Variants in DCC observed in about 807,000 individuals in gnomAD.
DCC encodes netrin receptor DCC.
Under a neutral mutation model 172.5 loss-of-function variants are expected in DCC, and 58 were observed. The observed-to-expected ratio is 0.34, with a 90% CI of 0.27 to 0.42. The LOEUF is 0.42. Among genes scored for constraint, DCC ranks in the 10% least tolerant of loss-of-function variants. DCC has a pLI of 1.00. For synonymous variants in DCC, 709 were observed against 644.5 expected, an observed-to-expected ratio of 1.10 and a Z score of -1.52; for missense variants, 1,740 against 1,791.0, an observed-to-expected ratio of 0.97 and a Z score of 0.51.
chr18:53,419,261 A>G (rs892998534), intron 21 of DCC, among the ~76,000 whole-genome samples: 1 of 152,214 alleles, frequency 6.6e-6, no homozygotes, highest in African/African-American at 2.4e-5. Flanking sequence ...TGGGGTATCC[A>G]TCCCTTGAAG....
At chr18:52,621,562 G>A (rs771551864) in intron 1 of DCC, among the ~76,000 whole-genome samples, 4 of 152,212 alleles carry the variant, frequency 2.6e-5, no homozygotes, top group Non-Finnish European at 4.4e-5. Flanking sequence ...GCCACTGGCA[G>A]AGCAGATGAA....
At position 53,207,784 on chromosome 18, in the gene DCC, A is replaced by G. The variant is rs193223464; in HGVS notation, c.1828A>G (p.Thr610Ala). 1 of 1,613,348 alleles carries G rather than the reference A, an allele frequency of 6.2e-7. No homozygotes were observed. Among genetic ancestry groups the G allele is most frequent in the Non-Finnish European group, 8.5e-7 (1 of 1,179,346 alleles). ...AYNRYGPGVS[T>A]DDITVVTLSD... is the part of the protein sequence containing the mutation. ...TAATCGCTATGGTCCGGGCGTCTCTACTGATGATATAACAGTGGTTACACT... is the reference window on the plus strand; with the variant it reads ...TAATCGCTATGGTCCGGGCGTCTCTGCTGATGATATAACAGTGGTTACACT... The change falls in exon 11 of 29, where the codon ACT becomes GCT. Residue 610 changes from threonine to alanine, a missense_variant. By Grantham distance (58) the Thr-to-Ala change is moderately conservative. Around this residue, in one of 2 missense-constraint regions of DCC, gnomAD observed 1,732 missense variants for 1,767.4 expected, o/e 0.98. Transcript: ENST00000442544.
At chr18:52,603,496 A>C (rs529096044) in intron 1 of DCC, among the ~76,000 whole-genome samples, 58 of 152,096 alleles carry the variant, frequency 3.8e-4, no homozygotes, top group Non-Finnish European at 7.9e-4. Context: ...CATAAAACCT[A>C]TAAAGACTAA....
chr18:52,344,679 G>T (rs1209613524), intron 1 of DCC, among the ~76,000 whole-genome samples: 1 of 152,118 alleles, frequency 6.6e-6, no homozygotes, highest in Non-Finnish European at 1.5e-5. Context: ...TTTCTGAACA[G>T]AATATTTCTT....
At chr18:53,463,905 T>C (rs2045588335) in intron 24 of DCC, among the ~76,000 whole-genome samples, 1 of 152,240 alleles carries the variant, frequency 6.6e-6, no homozygotes, top group Non-Finnish European at 1.5e-5. Context: ...AAGCAATTGC[T>C]GCATAAACAA....
chr18:52,489,555 G>T (rs1429491904), intron 1 of DCC, among the ~76,000 whole-genome samples: 2 of 152,116 alleles, frequency 1.3e-5, no homozygotes, highest in African/African-American at 4.8e-5. Context: ...AGTAGCCGGT[G>T]GCTTGGAGAG....
chr18:53,227,183 G>A (rs1388024861), intron 12 of DCC, among the ~76,000 whole-genome samples: 7 of 151,398 alleles, frequency 4.6e-5, no homozygotes, highest in South Asian at 2.1e-4. Context: ...TACTGACCTC[G>A]TGATCTGCCA....
At chr18:53,205,467 A>G in intron 10 of DCC, 103 bp downstream of exon 10, 1 of 1,103,204 alleles carries the variant, frequency 9.1e-7, no homozygotes, top group Non-Finnish European at 1.4e-6. Context: ...AAACTCTTGA[A>G]ACAGCCCAGT....
intron 1 of DCC, among the ~76,000 whole-genome samples, chr18:52,465,720 T>A (rs561211751): frequency 6.6e-6 from 1 of 150,832 alleles, no homozygotes; most frequent in South Asian, 2.1e-4. Context: ...GAAGGAGGAG[T>A]ACACACGTTC....
chr18:52,805,759 G>A (rs2038073319), intron 2 of DCC, among the ~76,000 whole-genome samples: 1 of 152,126 alleles, frequency 6.6e-6, no homozygotes, highest in Non-Finnish European at 1.5e-5. Context: ...GAAGTAGAAG[G>A]GAATTCAAGA....
rs569396708 is a variant in DCC at position 52,899,421 on chromosome 18, T to C, written c.413-6623T>C. 2.1e-5 allele frequency among the ~76,000 whole-genome samples: 3 copies of C among 143,314 alleles called. No homozygotes were observed. The East Asian group carries it at 6.4e-4, about 30-fold the overall frequency. 94.0% of individuals were successfully genotyped at this position (143,314 alleles called of 152,430 possible). On this transcript the variant is annotated intron_variant, in intron 2 of 28. Coordinates refer to ENST00000442544, the MANE Select transcript of DCC (RefSeq NM_005215.4). The stretch of plus-strand genomic sequence containing the variant: ...CAGGCTGGAGTGCAATGGCACCATG[T>C]CGGCTCACAGCAACTTCCACCTCCT...
At chr18:52,971,658 G>A (rs1325438586) in intron 5 of DCC, among the ~76,000 whole-genome samples, 1 of 151,990 alleles carries the variant, frequency 6.6e-6, no homozygotes, top group East Asian at 1.9e-4. Flanking sequence ...GGTTTTCAAT[G>A]GTTAATTCTT....
rs143200450 is a variant in DCC at position 52,677,458 on chromosome 18, A to G, written c.92-74596A>G. Among the ~76,000 whole-genome samples the G allele has an allele frequency of 2.0e-3, 306 of 152,192 alleles. 2 individuals carry two copies. Among genetic ancestry groups the G allele is most frequent in the African/African-American group, 6.9e-3 (285 of 41,580 alleles). ...AGATTCTATGTTTCATTGTTCTGCC[A>G]TCCCTGGTTCTGTGATGCTTCTTTT... On this transcript the variant is annotated intron_variant, in intron 1 of 28. Transcript: ENST00000442544.
intron 12 of DCC, among the ~76,000 whole-genome samples, chr18:53,256,224 C>T (rs2056511152): frequency 6.6e-6 from 1 of 152,078 alleles, no homozygotes; most frequent in African/African-American, 2.4e-5. Context: ...TTAATTAGAT[C>T]CCATTTGTCA....
intron 12 of DCC, among the ~76,000 whole-genome samples, chr18:53,258,136 A>G (rs1356931890): frequency 6.6e-6 from 1 of 151,970 alleles, no homozygotes; most frequent in Non-Finnish European, 1.5e-5. Flanking sequence ...CGGTCTGTCA[A>G]TTTTGTAGAT....
intron 1 of DCC, among the ~76,000 whole-genome samples, chr18:52,599,301 G>A (rs534643103): frequency 8.5e-5 from 13 of 152,074 alleles, no homozygotes; most frequent in Admixed American, 4.6e-4. Context: ...AAAAACCAGG[G>A]GTCGAAAAAC....
chr18:52,767,199 T>TC (rs1158671465), intron 2 of DCC, among the ~76,000 whole-genome samples: 1 of 152,012 alleles, frequency 6.6e-6, no homozygotes, highest in Non-Finnish European at 1.5e-5. Flanking sequence ...GTAAATAGGA[T>TC]CAATCAAATA....
intron 5 of DCC, among the ~76,000 whole-genome samples, chr18:53,054,180 A>T (rs184003958): frequency 4.3e-4 from 66 of 152,248 alleles, no homozygotes; most frequent in Non-Finnish European, 8.8e-4. Context: ...AATAGTTATT[A>T]AGCTGCATTT....
intron 1 of DCC, among the ~76,000 whole-genome samples, chr18:52,686,231 C>T (rs928873342): frequency 6.6e-6 from 1 of 151,390 alleles, no homozygotes; most frequent in Non-Finnish European, 1.5e-5. Context: ...TTAACACTTA[C>T]TCCTGTTAGG....
Sources: allele counts gnomAD v4.1 joint callset (sites outside exome capture counted in the v4.1 genomes callset), GRCh38; gene constraint gnomAD v4.1.1; regional missense constraint gnomAD v4.1.1; transcripts MANE v1.5; gene names NCBI Gene and HGNC (gene_info 2026-07-23, HGNC 2026-07-21).